The following DCC variants were observed in gnomAD, a reference collection of about 807,000 sequenced individuals.
DCC encodes netrin receptor DCC.
In DCC, 58 loss-of-function variants were observed where a neutral mutation model predicts 172.5. The observed-to-expected ratio is 0.34, with a 90% CI of 0.27 to 0.42. The LOEUF (loss-of-function observed/expected upper bound fraction) is 0.42, where lower values mean the gene tolerates loss of function less well. Among genes scored for constraint, DCC ranks in the 10% least tolerant of loss-of-function variants. DCC has a pLI of 1.00. For missense variants in DCC, 1,740 were observed against 1,791.0 expected, an observed-to-expected ratio of 0.97 and a Z score of 0.51; for synonymous variants, 709 against 644.5, an observed-to-expected ratio of 1.10 and a Z score of -1.52.
chr18:52,805,153 AC>A (rs2038063337), intron 2 of DCC, among the ~76,000 whole-genome samples: 1 of 152,206 alleles, frequency 6.6e-6, no homozygotes, highest in African/African-American at 2.4e-5. Flanking sequence ...ATATGTCTAG[AC>A]AAGTGCCCAG....
At chr18:52,560,156 T>C (rs2033003613) in intron 1 of DCC, among the ~76,000 whole-genome samples, 1 of 152,202 alleles carries the variant, frequency 6.6e-6, no homozygotes, top group South Asian at 2.1e-4. Flanking sequence ...GTGAATTGTA[T>C]ATATTTCTGG....
At chr18:52,535,866 A>T (rs2032273716) in intron 1 of DCC, among the ~76,000 whole-genome samples, 1 of 152,168 alleles carries the variant, frequency 6.6e-6, no homozygotes, top group South Asian at 2.1e-4. Context: ...ATAAGAAAAG[A>T]GCCAAAGCCT....
At chr18:53,093,816 G>A (rs1401441173) in intron 7 of DCC, among the ~76,000 whole-genome samples, 1 of 152,112 alleles carries the variant, frequency 6.6e-6, no homozygotes, top group African/African-American at 2.4e-5. Flanking sequence ...CATCTATTAG[G>A]CATGACAGAT....
At position 52,911,472 on chromosome 18, in the gene DCC, A is replaced by G. The variant is rs138861097; in HGVS notation, c.697+5144A>G. ...TAAGTAACATGCCCTAAATTGTACAATTACCAGGTGGTGAAACCAAGATTT... is the reference window on the plus strand; with the variant it reads ...TAAGTAACATGCCCTAAATTGTACAGTTACCAGGTGGTGAAACCAAGATTT... On this transcript the variant is annotated intron_variant, in intron 3 of 28. Coordinates refer to ENST00000442544, the MANE Select transcript of DCC (RefSeq NM_005215.4). 2.1e-3 allele frequency among the ~76,000 whole-genome samples: 314 copies of G among 152,238 alleles called. 1 individual carries two copies. The highest frequency in any genetic ancestry group is 7.2e-3 in the African/African-American group (299 of 41,552).
At chr18:53,451,639 A>T (rs1338553352) in intron 23 of DCC, among the ~76,000 whole-genome samples, 1 of 151,956 alleles carries the variant, frequency 6.6e-6, no homozygotes, top group Admixed American at 6.6e-5. Context: ...ACAACTGTGT[A>T]CTTTACACTT....
At chr18:53,006,402 T>C (rs1394953770) in intron 5 of DCC, among the ~76,000 whole-genome samples, 1 of 152,182 alleles carries the variant, frequency 6.6e-6, no homozygotes, top group African/African-American at 2.4e-5. Flanking sequence ...AGGGTATACA[T>C]TCTTAACTAG....
intron 1 of DCC, among the ~76,000 whole-genome samples, chr18:52,665,149 C>A (rs998748119): frequency 1.3e-5 from 2 of 152,190 alleles, no homozygotes; most frequent in Non-Finnish European, 2.9e-5. Flanking sequence ...TTCCAATTTT[C>A]AGTAGGCTGA....
At chr18:53,109,956 T>C (rs528667814) in intron 7 of DCC, among the ~76,000 whole-genome samples, 20 of 151,708 alleles carry the variant, frequency 1.3e-4, no homozygotes, top group Admixed American at 5.3e-4. Flanking sequence ...TATTTTTTTT[T>C]TCTGGGAAAT....
In DCC at chr18:52,758,617, T is replaced by C. The variant is rs182493342; in HGVS notation, c.412+6243T>C. 4.0e-4 allele frequency among the ~76,000 whole-genome samples: 60 copies of C among 151,860 alleles called. No homozygotes were observed. In the East Asian group the frequency reaches 0.011, roughly 28 times the overall value. On this transcript the variant is annotated intron_variant, in intron 2 of 28. Transcript: ENST00000442544. ...CATATTATGGTGAGAGAAGCTAGAATGAAGCATTTTGTGAAATGATAACCT... is the reference window on the plus strand; with the variant it reads ...CATATTATGGTGAGAGAAGCTAGAACGAAGCATTTTGTGAAATGATAACCT...
intron 5 of DCC, among the ~76,000 whole-genome samples, chr18:52,991,370 CAG>C (rs1194465970): frequency 2.0e-5 from 3 of 152,226 alleles, no homozygotes; most frequent in African/African-American, 7.2e-5. Flanking sequence ...TTATGTTGGA[CAG>C]AGAATAGATA....
chr18:52,422,043 A>T (rs994514362), intron 1 of DCC, among the ~76,000 whole-genome samples: 1 of 152,202 alleles, frequency 6.6e-6, no homozygotes, highest in Admixed American at 6.6e-5. Context: ...TTTCCTTTAA[A>T]GAAAACTGGA....
At chr18:53,209,431 A>G (rs1057119626) in intron 11 of DCC, among the ~76,000 whole-genome samples, 2 of 152,168 alleles carry the variant, frequency 1.3e-5, no homozygotes, top group Non-Finnish European at 1.5e-5. Context: ...GTTTAATTCT[A>G]TAAATTATTT....
At chr18:52,611,946 A>G (rs1390333800) in intron 1 of DCC, among the ~76,000 whole-genome samples, 1 of 152,216 alleles carries the variant, frequency 6.6e-6, no homozygotes, top group Non-Finnish European at 1.5e-5. Context: ...GAAGTAGACA[A>G]TAAACTAGAG....
intron 12 of DCC, among the ~76,000 whole-genome samples, chr18:53,290,672 A>G (rs1287201381): frequency 1.3e-5 from 2 of 151,922 alleles, no homozygotes; most frequent in Non-Finnish European, 2.9e-5. Flanking sequence ...ACAAGATCTT[A>G]TTTCCTTATT....
Position 52,496,635 on chromosome 18 carries a change from C to G in DCC, c.91+155757C>G, listed in dbSNP as rs568117165. Among the ~76,000 whole-genome samples the G allele has an allele frequency of 3.3e-5, 5 of 152,132 alleles. No individual in the cohort carries two copies. In the East Asian group the frequency reaches 9.7e-4, roughly 30 times the overall value. ...GCACTTCATTTCTGGCCCTGTATATCTGATTTGATGACATCTGTTAAGGAG... is the reference window on the plus strand; with the variant it reads ...GCACTTCATTTCTGGCCCTGTATATGTGATTTGATGACATCTGTTAAGGAG... On this transcript the variant is annotated intron_variant, in intron 1 of 28. Transcript: ENST00000442544.
chr18:53,412,772 G>A (rs75611755), intron 20 of DCC, among the ~76,000 whole-genome samples: 1 of 152,126 alleles, frequency 6.6e-6, no homozygotes, highest in Non-Finnish European at 1.5e-5. Flanking sequence ...GCTAGCATTT[G>A]GTCTTTTTGA....
chr18:52,350,391 G>T (rs1014290485), intron 1 of DCC, among the ~76,000 whole-genome samples: 1 of 152,168 alleles, frequency 6.6e-6, no homozygotes, highest in Non-Finnish European at 1.5e-5. Flanking sequence ...GATGAAGTTG[G>T]AAACCATCAT....
chr18:52,854,451 A>T (rs1259755428), intron 2 of DCC, among the ~76,000 whole-genome samples: 1 of 152,192 alleles, frequency 6.6e-6, no homozygotes, highest in Non-Finnish European at 1.5e-5. Flanking sequence ...AACCTACCTT[A>T]AAGTAAACCT....
chr18:52,883,379 TGTGTGTGTGTGTGA>T (rs373479885), intron 2 of DCC, among the ~76,000 whole-genome samples: 18,497 of 133,452 alleles, frequency 0.14, 1,631 homozygotes, highest in Non-Finnish European at 0.21. Context: ...TGTGTGTGTG[TGTGTGTGTGTGTGA>T]GATCTCTTTC....
Sources: gnomAD v4.1 joint callset for allele counts (sites outside exome capture counted in the v4.1 genomes callset) on GRCh38, gnomAD v4.1.1 for gene constraint, MANE v1.5 for transcripts, NCBI Gene and HGNC (gene_info 2026-07-23, HGNC 2026-07-21) for gene names.